Variants in CDK14 observed in about 807,000 individuals in gnomAD.
The protein encoded by CDK14 is cyclin-dependent kinase 14.
CDK14 carries 34 observed loss-of-function variants against 60.7 expected under a neutral mutation model. That is an observed-to-expected ratio of 0.56 (90% CI 0.43 to 0.75). CDK14 has a LOEUF of 0.75. Ranked by LOEUF, CDK14 falls within the 30% of genes least tolerant of loss-of-function variation. The pLI, the probability that CDK14 is intolerant of heterozygous loss-of-function variation, is 0.00. For synonymous variants in CDK14, 197 were observed against 203.7 expected (o/e 0.97, Z 0.28); for missense variants, 482 against 564.1 (o/e 0.85, Z 1.47).
At chr7:90,882,552 C>G (rs912958952) in intron 6 of CDK14, among the ~76,000 whole-genome samples, 6 of 152,184 alleles carry the variant, frequency 3.9e-5, no homozygotes, top group Non-Finnish European at 2.9e-5. Context: ...AGGAAATTAA[C>G]AAGGATATTC....
chr7:90,821,353 T>C lies in CDK14; in HGVS notation c.544+30701T>C, dbSNP rs78966254. On this transcript the variant is annotated intron_variant, in intron 5 of 14. Coordinates refer to ENST00000380050, the MANE Select transcript of CDK14 (RefSeq NM_001287135.2). ...TCCAAGCTGGGTTGAGTTTTTAGAT[T>C]TGTCAAAAATTAAGGCCGAGGGCCA... Among the ~76,000 whole-genome samples the C allele has an allele frequency of 8.4e-3, 1,284 of 152,318 alleles. 27 individuals are homozygous for C. The highest frequency in any genetic ancestry group is 0.027 in the African/African-American group (1,116 of 41,578).
At chr7:91,092,441 A>C (rs1798858378) in intron 12 of CDK14, among the ~76,000 whole-genome samples, 2 of 152,340 alleles carry the variant, frequency 1.3e-5, no homozygotes, top group Non-Finnish European at 2.9e-5. Flanking sequence ...GACAGAGAGA[A>C]ATAGAGGCCA....
chr7:91,042,347 C>G (rs1797115224), intron 10 of CDK14, among the ~76,000 whole-genome samples: 1 of 152,140 alleles, frequency 6.6e-6, no homozygotes, highest in African/African-American at 2.4e-5. Context: ...CTCCCGGTAG[C>G]ATTTCTCCCT....
rs573753232 is a variant in CDK14, at chr7:90,618,389, A to G, written c.123+14140A>G. On this transcript the variant is annotated intron_variant, in intron 2 of 14. Transcript: ENST00000380050. ...CTTCCAATTCACTGGATTTTCTTCTATGCTTCCAATATCATTGCATTTTCT... is the reference window on the plus strand; with the variant it reads ...CTTCCAATTCACTGGATTTTCTTCTGTGCTTCCAATATCATTGCATTTTCT... 5.9e-5 allele frequency among the ~76,000 whole-genome samples: 9 copies of G among 151,876 alleles called. No homozygotes were observed. In the East Asian group the frequency reaches 9.7e-4, roughly 16 times the overall value.
intron 2 of CDK14, among the ~76,000 whole-genome samples, chr7:90,717,297 AT>A (rs1563055477): frequency 6.6e-6 from 1 of 152,124 alleles, no homozygotes; most frequent in Non-Finnish European, 1.5e-5. Context: ...ACTAAATAAA[AT>A]TATTTTAACA....
At position 90,866,600 on chromosome 7, in the gene CDK14, A is replaced by G. The variant is rs191869860; in HGVS notation, c.639+3331A>G. ...TTTTCAAGGGCTTTTTGAGATACCT[A>G]TGTAATTCAAGTTTTACCAAGTGAA... On this transcript the variant is annotated intron_variant, in intron 6 of 14. Coordinates refer to ENST00000380050, the MANE Select transcript of CDK14 (RefSeq NM_001287135.2). 3.3e-3 allele frequency among the ~76,000 whole-genome samples: 504 copies of G among 152,254 alleles called. 5 individuals are homozygous for G. Among genetic ancestry groups the G allele is most frequent in the African/African-American group, 0.011 (472 of 41,560 alleles).
At chr7:91,186,110 C>G (rs1173305521) in intron 14 of CDK14, among the ~76,000 whole-genome samples, 17 of 110,038 alleles carry the variant, frequency 1.5e-4, no homozygotes, top group Non-Finnish European at 3.0e-4. Context: ...CTTCTCCCCT[C>G]CCCTCCCCTC....
intron 6 of CDK14, among the ~76,000 whole-genome samples, chr7:90,891,798 A>G (rs1792133730): frequency 6.6e-6 from 1 of 152,232 alleles, no homozygotes; most frequent in Non-Finnish European, 1.5e-5. Flanking sequence ...CAGGCTTGAC[A>G]TTGTAGGAGA....
At chr7:90,905,974 C>T (rs914298463) in intron 7 of CDK14, among the ~76,000 whole-genome samples, 2 of 152,122 alleles carry the variant, frequency 1.3e-5, no homozygotes, top group African/African-American at 4.8e-5. Context: ...ATTGGGTTTT[C>T]CTCACTGTTT....
chr7:90,616,719 A>G (rs1799657730), intron 2 of CDK14, among the ~76,000 whole-genome samples: 1 of 152,242 alleles, frequency 6.6e-6, no homozygotes. Context: ...TGCAAATTGT[A>G]CAGTGTACAT....
At chr7:90,855,169 A>G (rs1439354174) in intron 5 of CDK14, among the ~76,000 whole-genome samples, 1 of 152,228 alleles carries the variant, frequency 6.6e-6, no homozygotes, top group Non-Finnish European at 1.5e-5. Flanking sequence ...AAAGAAACAG[A>G]TTTAACATGT....
At chr7:91,199,310 A>G (rs1802645627) in intron 14 of CDK14, among the ~76,000 whole-genome samples, 1 of 151,978 alleles carries the variant, frequency 6.6e-6, no homozygotes, top group Admixed American at 6.6e-5. Context: ...TGATATATGT[A>G]TACAATATTA....
chr7:90,649,405 C>CT (rs1554427239), intron 2 of CDK14, among the ~76,000 whole-genome samples: 1 of 102,818 alleles, frequency 9.7e-6, no homozygotes, highest in African/African-American at 4.2e-5. Context: ...TTCTTTCTTT[C>CT]TTTCTTTCTT....
At chr7:90,973,932 A>T (rs189463919) in intron 9 of CDK14, among the ~76,000 whole-genome samples, 27 of 152,236 alleles carry the variant, frequency 1.8e-4, no homozygotes, top group Admixed American at 6.5e-4. Context: ...CGGTCTGACT[A>T]GAATTCACCA....
In CDK14 at chr7:90,863,247, T is replaced by G. The variant is rs1455284231; in HGVS notation, c.617T>G (p.Leu206Arg). 1.3e-6 allele frequency: 2 copies of G among 1,596,586 alleles called. No individual in the cohort carries two copies. The highest frequency in any genetic ancestry group is 1.1e-5 in the South Asian group (1 of 90,304). Reference sequence around the variant, plus strand: ...GACATCATCCATACCAAGGAGACGCTGACACTTGTGTTTGAATATGTGGTA... The same window carrying G: ...GACATCATCCATACCAAGGAGACGCGGACACTTGTGTTTGAATATGTGGTA... ...LHDIIHTKET[L>R]TLVFEYVHTD... Residue 206 changes from leucine to arginine, a missense_variant, in exon 6 of 15, where the codon CTG (leucine) becomes CGG (arginine). By Grantham distance (102) the Leu-to-Arg change is moderately radical (BLOSUM62 -2). Transcript: ENST00000380050.
chr7:90,767,172 C>G (rs1804599940), intron 4 of CDK14, among the ~76,000 whole-genome samples: 1 of 152,224 alleles, frequency 6.6e-6, no homozygotes, highest in African/African-American at 2.4e-5. Flanking sequence ...TAATGGCTTA[C>G]AGCCAAGTAT....
rs374683269 is a variant in CDK14 at position 90,937,883 on chromosome 7, A to T, written c.827-17814A>T. On this transcript the variant is annotated intron_variant, in intron 8 of 14. Transcript: ENST00000380050. ...AGTGAGATTTTCAAAGGAAAAATAGATAATGAAATAATTTGTAATATTATA... is the reference window on the plus strand; with the variant it reads ...AGTGAGATTTTCAAAGGAAAAATAGTTAATGAAATAATTTGTAATATTATA... Among the ~76,000 whole-genome samples, 3 of 152,252 alleles carry T rather than the reference A, an allele frequency of 2.0e-5. No homozygotes were observed. In the East Asian group the frequency reaches 5.8e-4, roughly 29 times the overall value.
chr7:91,132,710 C>G (rs192517402), intron 14 of CDK14, among the ~76,000 whole-genome samples: 2 of 152,226 alleles, frequency 1.3e-5, no homozygotes, highest in Admixed American at 1.3e-4. Flanking sequence ...CCAACACTTA[C>G]TCTTCTCCTT....
intron 14 of CDK14, among the ~76,000 whole-genome samples, chr7:91,201,048 T>C (rs35348461): frequency 6.6e-6 from 1 of 152,228 alleles, no homozygotes; most frequent in East Asian, 1.9e-4. Flanking sequence ...TATTTCCTTT[T>C]TGAAAGCATG....
Sources: gnomAD v4.1 joint callset for allele counts (sites outside exome capture counted in the v4.1 genomes callset) on GRCh38, gnomAD v4.1.1 for gene constraint, MANE v1.5 for transcripts, NCBI Gene and HGNC (gene_info 2026-07-23, HGNC 2026-07-21) for gene names.